The following CRY1 variants were observed in gnomAD, a reference collection of about 807,000 sequenced individuals.
CRY1 encodes the protein cryptochrome circadian regulator 1.
Under a neutral mutation model 76.0 loss-of-function variants are expected in CRY1, and 45 were observed. That is an observed-to-expected ratio of 0.59 (90% CI 0.47 to 0.76). The LOEUF is 0.76. Ranked by LOEUF, CRY1 falls within the 30% of genes least tolerant of loss-of-function variation. The pLI is 0.00. For missense variants in CRY1, 587 were observed against 716.4 expected (o/e 0.82, Z 2.06); for synonymous variants, 248 against 244.0 (o/e 1.02, Z -0.15).
At chr12:107,034,133 AAG>A (rs1172484851) in intron 1 of CRY1, among the ~76,000 whole-genome samples, 2 of 151,874 alleles carry the variant, frequency 1.3e-5, no homozygotes, top group Non-Finnish European at 2.9e-5. Flanking sequence ...TGCAGTAAAG[AAG>A]GTAGCCAAAA....
intron 1 of CRY1, among the ~76,000 whole-genome samples, chr12:107,024,384 C>T (rs905322609): frequency 6.6e-6 from 1 of 151,604 alleles, no homozygotes; most frequent in Admixed American, 6.6e-5. Context: ...GCTGAATAAG[C>T]ATTCCGAATG....
intron 4 of CRY1, 61 bp from the exon 5 acceptor site, chr12:107,001,429 T>C: frequency 7.3e-7 from 1 of 1,366,884 alleles, no homozygotes; most frequent in Non-Finnish European, 1.0e-6. Flanking sequence ...TTAACCCCAA[T>C]AACTGGGAGA....
chr12:107,002,417 A>G (rs1174414901), intron 3 of CRY1, among the ~76,000 whole-genome samples: 3 of 152,184 alleles, frequency 2.0e-5, no homozygotes, highest in African/African-American at 7.2e-5. Context: ...ATTTTATTGT[A>G]TATATTTGAG....
chr12:107,093,042 AG>A lies in CRY1; in HGVS notation c.-82del. 7.1e-7 allele frequency: 1 copy of A among 1,418,218 alleles called. No individual in the cohort carries two copies. Among genetic ancestry groups the A allele is most frequent in the African/African-American group, 1.5e-5 (1 of 68,936 alleles). 87.9% of individuals were successfully genotyped at this position (1,418,218 alleles called of 1,614,324 possible). ...CATAGCCGACACCTTCGCTTCCAAG[AG>A]AATTGCCTCACCCGGGGCGTGAGGA... On this transcript the variant is annotated 5_prime_UTR_variant, in exon 1 of 13. Transcript: ENST00000008527.
intron 1 of CRY1, among the ~76,000 whole-genome samples, chr12:107,056,708 G>T (rs569494662): frequency 4.5e-4 from 68 of 152,208 alleles, no homozygotes; most frequent in African/African-American, 1.6e-3. Flanking sequence ...CTTATAAAAG[G>T]CCTCAGGAAG....
At position 106,997,398 on chromosome 12, in the gene CRY1, A is replaced by C. The variant is rs1952245125; in HGVS notation, c.1493-12T>G. On this transcript the variant is annotated splice_polypyrimidine_tract_variant and intron_variant, in intron 9 of 12. Transcript: ENST00000008527. ...TGATGCCAGAAGACCTAAAGGACAA[A>C]AAAATTTTCTTTTAAATTATGATCA... 1 of 1,612,966 alleles carries C rather than the reference A, an allele frequency of 6.2e-7. No homozygotes were observed. The highest frequency in any genetic ancestry group is 1.1e-5 in the South Asian group (1 of 90,822).
At chr12:107,089,662 T>C (rs943677086) in intron 1 of CRY1, among the ~76,000 whole-genome samples, 14 of 152,196 alleles carry the variant, frequency 9.2e-5, no homozygotes, top group African/African-American at 2.9e-4. Context: ...AAATACAAGA[T>C]AGCTTCTAAA....
chr12:107,031,811 G>C (rs1952678428), intron 1 of CRY1, among the ~76,000 whole-genome samples: 1 of 152,202 alleles, frequency 6.6e-6, no homozygotes, highest in East Asian at 1.9e-4. Flanking sequence ...TGTTACAGAG[G>C]AGACAAAGGA....
At chr12:107,057,439 C>T (rs1302849800) in intron 1 of CRY1, among the ~76,000 whole-genome samples, 2 of 152,242 alleles carry the variant, frequency 1.3e-5, no homozygotes, top group Non-Finnish European at 2.9e-5. Context: ...CGGAATCTAA[C>T]ATCAGGAGTG....
Position 107,001,888 on chromosome 12 carries a change from G to A in CRY1, c.471C>T (p.Ile157=), listed in dbSNP as rs1952316268. The change falls in exon 4 of 13, where the codon ATC becomes ATT. Residue 157 remains isoleucine, a synonymous_variant. Coordinates refer to ENST00000008527, the MANE Select transcript of CRY1 (RefSeq NM_004075.5). ...PLTYKRFQTL[I]SKMEPLEIPV... ...GTATCTCTAGTGGTTCCATTTTGCT[G>A]ATGAGAGTCTGGAATCTTTTATAAG... is the stretch of plus-strand genomic sequence containing the variant. 1 of 1,601,766 alleles carries A rather than the reference G, an allele frequency of 6.2e-7. No individual in the cohort carries two copies. The highest frequency in any genetic ancestry group is 1.1e-5 in the South Asian group (1 of 87,960).
At chr12:106,998,643 G>T (rs1267007215) in intron 7 of CRY1, among the ~76,000 whole-genome samples, 1 of 129,670 alleles carries the variant, frequency 7.7e-6, no homozygotes, top group Non-Finnish European at 1.6e-5. Flanking sequence ...GGTGTACTAG[G>T]AAATATAAGA....
At chr12:107,081,020 T>A (rs1247672599) in intron 1 of CRY1, among the ~76,000 whole-genome samples, 1 of 151,974 alleles carries the variant, frequency 6.6e-6, no homozygotes, top group Non-Finnish European at 1.5e-5. Context: ...AGAATAAATA[T>A]AAAAAATGAG....
chr12:107,037,897 T>TG (rs906253558), intron 1 of CRY1, among the ~76,000 whole-genome samples: 20 of 151,994 alleles, frequency 1.3e-4, no homozygotes, highest in African/African-American at 4.3e-4. Flanking sequence ...TTTGTAGCTA[T>TG]GGGGTCTCAC....
intron 1 of CRY1, among the ~76,000 whole-genome samples, chr12:107,077,179 C>T (rs1057414249): frequency 3.3e-5 from 5 of 151,460 alleles, no homozygotes; most frequent in Admixed American, 2.0e-4. Flanking sequence ...ACACACACAC[C>T]TCTAGAACTC....
chr12:107,070,993 A>T (rs4964517), intron 1 of CRY1, among the ~76,000 whole-genome samples: 2,228 of 151,680 alleles, frequency 0.015, 67 homozygotes, highest in African/African-American at 0.051. Context: ...CGTGAGCCAC[A>T]GCGCCCGGCC....
chr12:107,078,502 T>C (rs1953284799), intron 1 of CRY1, among the ~76,000 whole-genome samples: 1 of 152,182 alleles, frequency 6.6e-6, no homozygotes, highest in South Asian at 2.1e-4. Flanking sequence ...CCTATTCATC[T>C]TAAACATAGT....
In CRY1 at chr12:107,025,036, T is replaced by C. The variant is rs148213927; in HGVS notation, c.159-2844A>G. On this transcript the variant is annotated intron_variant, in intron 1 of 12. Coordinates refer to ENST00000008527, the MANE Select transcript of CRY1 (RefSeq NM_004075.5). Reference sequence around the variant, plus strand: ...TATAAGGCTTTTAAAACTATTTGCATATATTACTCTGATAAAATAAAATTT... The same window carrying C: ...TATAAGGCTTTTAAAACTATTTGCACATATTACTCTGATAAAATAAAATTT... 6.9e-3 allele frequency among the ~76,000 whole-genome samples: 1,045 copies of C among 152,340 alleles called. 17 individuals are homozygous for C. The highest frequency in any genetic ancestry group is 0.024 in the African/African-American group (1,002 of 41,578).
intron 2 of CRY1, among the ~76,000 whole-genome samples, chr12:107,017,913 T>G (rs1952514032): frequency 6.6e-6 from 1 of 152,180 alleles, no homozygotes; most frequent in South Asian, 2.1e-4. Context: ...CTATCCCACA[T>G]TTTACTCTTC....
intron 1 of CRY1, among the ~76,000 whole-genome samples, chr12:107,085,437 G>C (rs1414167782): frequency 6.6e-6 from 1 of 152,172 alleles, no homozygotes; most frequent in Non-Finnish European, 1.5e-5. Flanking sequence ...TGATAGACTG[G>C]ATAAAGAAAA....
Sources: allele counts gnomAD v4.1 joint callset (sites outside exome capture counted in the v4.1 genomes callset), GRCh38; gene constraint gnomAD v4.1.1; transcripts MANE v1.5; gene names NCBI Gene and HGNC (gene_info 2026-07-23, HGNC 2026-07-21).